LZTR1: variants seen among roughly 807,000 people sequenced by gnomAD.
LZTR1 encodes the protein leucine-zipper-like transcriptional regulator 1.
A neutral mutation model predicts 105.7 loss-of-function variants in LZTR1; 260 were observed. The ratio of observed to expected loss-of-function variants is 2.46; its 90% CI spans 2.22 to 2.72. The LOEUF (loss-of-function observed/expected upper bound fraction) is 2.72. Among genes scored for constraint, LZTR1 ranks in the 30% most tolerant of loss-of-function variants. The pLI is 0.00. For synonymous variants in LZTR1, 490 were observed against 476.4 expected, an observed-to-expected ratio of 1.03 and a Z score of -0.37; for missense variants, 1,214 against 1,166.9, an observed-to-expected ratio of 1.04 and a Z score of -0.59.
chr22:20,982,828 GGTGAGGAGTCCAGAGAGTCCTGGA>G (rs1924246269), intron 1 of LZTR1, among the ~76,000 whole-genome samples, 175 bp from the exon 2 acceptor site: 1 of 152,168 alleles, frequency 6.6e-6, no homozygotes, highest in Non-Finnish European at 1.5e-5. Context: ...TCTGAGGTGG[GGTGAGGAGTCCAGAGAGTCCTGGA>G]GCCGTGTCAG....
At chr22:20,985,775 C>T in intron 2 of LZTR1, 66 bp from the exon 3 acceptor site, 1 of 1,450,924 alleles carries the variant, frequency 6.9e-7, no homozygotes, top group South Asian at 1.1e-5. Flanking sequence ...ACATGCAGTG[C>T]CCATCTCTGG....
chr22:20,996,102 G>A lies in LZTR1; in HGVS notation c.2209G>A (p.Glu737Lys). Residue 737 changes from glutamate (E) to lysine (K), a missense_variant, in exon 18 of 21, where the codon GAG becomes AAG. Physicochemically the swap from Glu to Lys is moderately conservative, Grantham distance 56. Transcript: ENST00000646124. The stretch of plus-strand genomic sequence containing the variant: ...CTACGGCGAGGTCAACATGCCGCCC[G>A]AGGACTCGCTGCATCCTCACTCCCC... ...IYYGEVNMPP[E>K]DSLYLFAAPY... 1 of 1,612,380 alleles carries A rather than the reference G, an allele frequency of 6.2e-7. No homozygotes were observed. Among genetic ancestry groups the A allele is most frequent in the Non-Finnish European group, 8.5e-7 (1 of 1,179,910 alleles).
chr22:20,995,513 G>A (rs1394681988), intron 16 of LZTR1: 1 of 700,510 alleles, frequency 1.4e-6, no homozygotes, highest in Admixed American at 2.1e-5. Flanking sequence ...CAAGCTGGGT[G>A]GAAGATGAGA....
chr22:20,988,341 A>G (rs1039282658), intron 5 of LZTR1, among the ~76,000 whole-genome samples: 1 of 152,170 alleles, frequency 6.6e-6, no homozygotes, highest in Admixed American at 6.5e-5. Flanking sequence ...GTGGTGGCGC[A>G]TGCCTGTAGT....
Position 20,991,812 on chromosome 22 carries a change from C to T in LZTR1, c.976C>T (p.Pro326Ser). ...VDFQTWEVVQ[P>S]SSDSEVGGAE... ...CTTCCAGACCTGGGAGGTCGTCCAG[C>T]CCAGCTCCGACAGCGAGGTGAGGGT... The change falls in exon 9 of 21, where the codon CCC (proline) becomes TCC (serine). Residue 326 changes from proline to serine, a missense_variant. By Grantham distance (74) the Pro-to-Ser change is moderately conservative (BLOSUM62 -1). Coordinates refer to ENST00000646124, the MANE Select transcript of LZTR1 (RefSeq NM_006767.4). 1 of 1,550,300 alleles carries T rather than the reference C, an allele frequency of 6.5e-7. No individual in the cohort carries two copies.
Position 20,996,777 on chromosome 22 carries a change from C to G in LZTR1, c.2301C>G (p.Asn767Lys). 6.2e-7 allele frequency: 1 copy of G among 1,613,590 alleles called. No homozygotes were observed. The highest frequency in any genetic ancestry group is 8.5e-7 in the Non-Finnish European group (1 of 1,180,002). Residue 767 changes from asparagine (N) to lysine (K), a missense_variant, in exon 19 of 21, where the codon AAC becomes AAG. Physicochemically the swap from Asn to Lys is moderately conservative, Grantham distance 94 (BLOSUM62 0). Coordinates refer to ENST00000646124, the MANE Select transcript of LZTR1 (RefSeq NM_006767.4). ...QAYCKQNLEM[N>K]VTVQNVLQIL... Reference sequence around the variant, plus strand: ...ACTGCAAGCAGAACCTGGAGATGAACGTGACGGTGCAGAACGTGCTGCAGG... The same window carrying G: ...ACTGCAAGCAGAACCTGGAGATGAAGGTGACGGTGCAGAACGTGCTGCAGG...
rs774660164 is a variant in LZTR1 at position 20,994,066 on chromosome 22, G to A, written c.1450-38G>A. 11 of 1,579,830 alleles carry A rather than the reference G, an allele frequency of 7.0e-6. No homozygotes were observed. In the Admixed American group the frequency reaches 1.8e-4, roughly 26 times the overall value. ...CCCTGACCTGGCAGCCATGCCTGGT[G>A]TCCACTGGGGTGTCCTTGAGCTCCC... On this transcript the variant is annotated intron_variant, in intron 13 of 20. Transcript: ENST00000646124.
intron 4 of LZTR1, 88 bp from the exon 5 acceptor site, chr22:20,987,922 G>C (rs1228857248): frequency 2.5e-6 from 2 of 809,220 alleles, no homozygotes; most frequent in Admixed American, 4.2e-5. Context: ...TGCATTTTCA[G>C]GGGGGCCAGA....
rs749437251 is a variant in LZTR1 at position 20,990,392 on chromosome 22, C to T, written c.658C>T (p.Gln220Ter). The T allele has an allele frequency of 3.1e-6, 5 of 1,613,970 alleles. No homozygotes were observed. The highest frequency in any genetic ancestry group is 1.1e-5 in the South Asian group (1 of 91,076). ...CTGTCCTCTCCCCCTGCAGGTGGCC[C>T]AGAGTGGCGAGATCCCCCCATCTTG... ...RELTCWEEVA[Q>*]SGEIPPSCCN... Residue 220 changes from glutamine to a stop codon, truncating the protein, a stop_gained, in exon 8 of 21, where the codon CAG (glutamine) becomes TAG (stop). Coordinates refer to ENST00000646124, the MANE Select transcript of LZTR1 (RefSeq NM_006767.4). LOFTEE classifies it high-confidence loss of function.
chr22:20,987,692 C>G (rs1311574678), intron 4 of LZTR1, 109 bp downstream of exon 4: 1 of 1,000,340 alleles, frequency 1.0e-6, no homozygotes, highest in African/African-American at 1.6e-5. Context: ...AGCAGGGGCT[C>G]TCTCTCCACC....
Position 20,994,658 on chromosome 22 carries a change from C to G in LZTR1, c.1716C>G (p.Ala572=), listed in dbSNP as rs773794193. 6.2e-6 allele frequency: 10 copies of G among 1,612,860 alleles called. No homozygotes were observed. In the Admixed American group the frequency reaches 1.7e-4, roughly 27 times the overall value. The part of the protein sequence containing the change: ...LEQLCRQYIE[A]SVDLQNVLVV... ...AGCTGTGCCGCCAGTACATCGAGGC[C>G]TCCGTGGACCTGCAGAACGTGCTGG... Residue 572 remains alanine, a synonymous_variant, in exon 15 of 21, where the codon GCC becomes GCG. Coordinates refer to ENST00000646124, the MANE Select transcript of LZTR1 (RefSeq NM_006767.4).
rs758238174 is a variant in LZTR1, at chr22:20,992,213, G to A, written c.994-1G>A. On this transcript the variant is annotated splice_acceptor_variant, in intron 9 of 20. Transcript: ENST00000646124. LOFTEE classifies it high-confidence loss of function. ...CATGCCCATGTGTCTCCCCTCTTCA[G>A]GTTGGTGGGGCTGAAGTGCCCGAGC... 4.3e-6 allele frequency: 7 copies of A among 1,613,014 alleles called. No homozygotes were observed. In the African/African-American group the frequency reaches 8.0e-5, roughly 18 times the overall value.
rs370012361 is a variant in LZTR1 at position 20,995,792 on chromosome 22, C to T, written c.1989C>T (p.Gly663=). The T allele has an allele frequency of 1.4e-5, 23 of 1,613,380 alleles. No individual in the cohort carries two copies. The highest frequency in any genetic ancestry group is 1.7e-5 in the Non-Finnish European group (20 of 1,179,986). ...QDMKAYLEGA[G]AEFCDITLLL... is the part of the protein sequence containing the mutation. ...TGAAGGCATACCTGGAGGGAGCGGG[C>T]GCGGAATTCTGTGACATCACTCTGT... The change falls in exon 17 of 21, where the codon GGC becomes GGT. Residue 663 remains glycine (G), a synonymous_variant. Transcript: ENST00000646124.
chr22:20,987,608 G>A, intron 4 of LZTR1, 25 bp downstream of exon 4: 1 of 1,609,006 alleles, frequency 6.2e-7, no homozygotes, highest in Non-Finnish European at 8.5e-7. Flanking sequence ...GCCTCCCAGG[G>A]GCTGTGTCGC....
At chr22:20,994,787 T>A in intron 15 of LZTR1, 60 bp downstream of exon 15, 1 of 1,607,808 alleles carries the variant, frequency 6.2e-7, no homozygotes, top group Non-Finnish European at 8.5e-7. Context: ...TTAGGCCCCC[T>A]CCCTGCCCAC....
chr22:20,996,277 AGCAGTTG>A, intron 18 of LZTR1, 165 bp downstream of exon 18: 4 of 729,548 alleles, frequency 5.5e-6, no homozygotes, highest in Non-Finnish European at 8.8e-6. Context: ...TGCTCTCTGA[AGCAGTTG>A]GCAGCTGGCA....
Position 20,985,840 on chromosome 22 carries a change from G to A in LZTR1, c.264-1G>A. 1.9e-6 allele frequency: 3 copies of A among 1,614,116 alleles called. No homozygotes were observed. Among genetic ancestry groups the A allele is most frequent in the Non-Finnish European group, 2.5e-6 (3 of 1,180,020 alleles). On this transcript the variant is annotated splice_acceptor_variant, in intron 2 of 20. Coordinates refer to ENST00000646124, the MANE Select transcript of LZTR1 (RefSeq NM_006767.4). LOFTEE classifies it high-confidence loss of function. ...CACCCTCTCTTCCGGCTGCCTTTCAGGAAGACCATGCTCAATGACCTCCTG... is the reference window on the plus strand; with the variant it reads ...CACCCTCTCTTCCGGCTGCCTTTCAAGAAGACCATGCTCAATGACCTCCTG...
intron 5 of LZTR1, 49 bp from the exon 6 acceptor site, chr22:20,988,740 G>C: frequency 6.9e-7 from 1 of 1,439,212 alleles, no homozygotes; most frequent in East Asian, 2.3e-5. Flanking sequence ...GGGTGGCTCA[G>C]GTCTGTGCTG....
In LZTR1 at chr22:20,996,723, C is replaced by T. The variant is rs779077819; in HGVS notation, c.2247C>T (p.Tyr749=). 2.4e-5 allele frequency: 39 copies of T among 1,613,456 alleles called. No individual in the cohort carries two copies. Among genetic ancestry groups the T allele is most frequent in the Admixed American group, 8.3e-5 (5 of 59,992 alleles). Residue 749 remains tyrosine, a synonymous_variant, in exon 19 of 21, where the codon TAC becomes TAT. Coordinates refer to ENST00000646124, the MANE Select transcript of LZTR1 (RefSeq NM_006767.4). The part of the protein sequence containing the change: ...SLYLFAAPYY[Y]GFYNNRLQAY... ...ACTTGTTTGCGGCCCCCTACTACTA[C>T]GGCTTCTACAACAACCGGCTGCAGG... is the stretch of plus-strand genomic sequence containing the variant.
Sources: gnomAD v4.1 joint callset for allele counts (sites outside exome capture counted in the v4.1 genomes callset) on GRCh38, gnomAD v4.1.1 for gene constraint, MANE v1.5 for transcripts, NCBI Gene and HGNC (gene_info 2026-07-23, HGNC 2026-07-21) for gene names.